The following CHLSN variants were observed in gnomAD, a reference collection of about 807,000 sequenced individuals.
CHLSN encodes the protein protein cholesin.
At chr7:1,055,668 C>T in the CHLSN span, among the ~76,000 whole-genome samples, 2,613 of 152,272 alleles carry the variant, frequency 0.017, 44 homozygotes, top group African/African-American at 0.046. Context: ...ACAGAGCACA[C>T]TGAGGGGTCC....
chr7:1,076,796 T>G, the CHLSN span, among the ~76,000 whole-genome samples: 2 of 152,282 alleles, frequency 1.3e-5, no homozygotes, highest in Non-Finnish European at 1.5e-5. Context: ...GAGGAGAGCA[T>G]GGGGACTTGC....
the CHLSN span, among the ~76,000 whole-genome samples, chr7:1,023,849 CT>C: frequency 6.6e-6 from 1 of 152,134 alleles, no homozygotes; most frequent in Non-Finnish European, 1.5e-5. The surrounding 1 kb of genome is among the most constrained non-coding windows in gnomAD (Gnocchi z 5.0). Flanking sequence ...CACAGCAGCC[CT>C]TTCCTTTTGA....
At chr7:1,048,892 G>A in the CHLSN span, among the ~76,000 whole-genome samples, 1 of 152,230 alleles carries the variant, frequency 6.6e-6, no homozygotes, top group African/African-American at 2.4e-5. Flanking sequence ...AATGAATAGA[G>A]GCCAGGGAAG....
the CHLSN span, chr7:1,026,109 C>G: frequency 1.3e-5 from 2 of 152,246 alleles, no homozygotes; most frequent in Non-Finnish European, 2.9e-5. Flanking sequence ...CATCCACATG[C>G]AGGGGTGTCA....
chr7:1,091,697 G>T, the CHLSN span: 2 of 1,480,560 alleles, frequency 1.4e-6, no homozygotes, highest in South Asian at 2.7e-5. Flanking sequence ...GGAGCCTTTC[G>T]GCAAATCTTG....
At chr7:1,100,033 G>C in the CHLSN span, among the ~76,000 whole-genome samples, 10 of 152,206 alleles carry the variant, frequency 6.6e-5, no homozygotes, top group South Asian at 2.1e-3. Context: ...AGGAACATCT[G>C]AGCCCCCGTC....
the CHLSN span, chr7:987,386 G>T: frequency 6.3e-7 from 1 of 1,595,040 alleles, no homozygotes; most frequent in Middle Eastern, 1.7e-4. Context: ...CTGGGCCCTG[G>T]GCGGACTCCC....
the CHLSN span, among the ~76,000 whole-genome samples, chr7:1,111,630 T>A: frequency 6.6e-6 from 1 of 152,124 alleles, no homozygotes; most frequent in Non-Finnish European, 1.5e-5. Context: ...GGAGACTCTG[T>A]CCCTACAAAA....
the CHLSN span, among the ~76,000 whole-genome samples, chr7:1,002,681 T>C: frequency 2.7e-3 from 194 of 72,978 alleles, 6 homozygotes; most frequent in African/African-American, 0.011. Context: ...GTGAGTGGAG[T>C]CCTGCGGGTG....
the CHLSN span, chr7:986,556 T>A: frequency 6.4e-7 from 1 of 1,567,238 alleles, no homozygotes; most frequent in Non-Finnish European, 8.7e-7. Context: ...CTGGGGACGA[T>A]CACCGCCTGC....
the CHLSN span, among the ~76,000 whole-genome samples, chr7:1,065,171 TG>T: frequency 1.3e-5 from 2 of 152,198 alleles, no homozygotes; most frequent in Non-Finnish European, 2.9e-5. Context: ...CTGGACAGGC[TG>T]GCTTCCTGCC....
At chr7:1,124,138 A>G in the CHLSN span, among the ~76,000 whole-genome samples, 1 of 152,174 alleles carries the variant, frequency 6.6e-6, no homozygotes, top group Non-Finnish European at 1.5e-5. Context: ...GCTTTCTTTT[A>G]ATCAACACGT....
the CHLSN span, among the ~76,000 whole-genome samples, chr7:1,007,794 G>T: frequency 5.3e-5 from 8 of 152,178 alleles, no homozygotes; most frequent in East Asian, 5.8e-4. Flanking sequence ...GGTCCCAGAG[G>T]GGGAGAGGAG....
the CHLSN span, among the ~76,000 whole-genome samples, chr7:1,047,789 C>T: frequency 6.6e-6 from 1 of 152,178 alleles, no homozygotes; most frequent in Non-Finnish European, 1.5e-5. Context: ...AACAACTGTC[C>T]GGGGACAATA....
chr7:1,127,397 G>A, the CHLSN span: 13 of 1,595,078 alleles, frequency 8.2e-6, no homozygotes, highest in Non-Finnish European at 1.1e-5. Context: ...CTGCAACAGA[G>A]AAAGTAAATT....
At chr7:1,058,148 C>T in the CHLSN span, 1 of 741,206 alleles carries the variant, frequency 1.3e-6, no homozygotes, top group Non-Finnish European at 2.5e-6. Flanking sequence ...TGCTACTCTC[C>T]CGCGTCCGCA....
chr7:1,096,538 G>A, the CHLSN span, among the ~76,000 whole-genome samples: 1 of 152,208 alleles, frequency 6.6e-6, no homozygotes, highest in East Asian at 1.9e-4. The surrounding 1 kb of genome is among the most constrained non-coding windows in gnomAD (Gnocchi z 4.6). Context: ...GCGCTTGCCT[G>A]GGAGCCAGGG....
the CHLSN span, among the ~76,000 whole-genome samples, chr7:1,112,261 C>T: frequency 2.2e-4 from 33 of 152,272 alleles, no homozygotes; most frequent in East Asian, 5.8e-4. Context: ...TGAGGAAGGC[C>T]GGCGAGCCTC....
chr7:1,109,143 C>T, the CHLSN span, among the ~76,000 whole-genome samples: 8 of 152,206 alleles, frequency 5.3e-5, no homozygotes, highest in Admixed American at 4.6e-4. Context: ...GTGATCCACC[C>T]GCCACAGCCT....
Sources: gnomAD v4.1 joint callset for allele counts (sites outside exome capture counted in the v4.1 genomes callset) on GRCh38, gnomAD v4.1.1 for gene constraint, Gnocchi (gnomAD v3.1) non-coding constraint, MANE v1.5 for transcripts, NCBI Gene and HGNC (gene_info 2026-07-23, HGNC 2026-07-21) for gene names.